HKDC1: variants seen among roughly 807,000 people sequenced by gnomAD.
HKDC1 encodes the protein hexokinase HKDC1.
HKDC1 carries 66 observed loss-of-function variants against 96.6 expected under a neutral mutation model. The observed-to-expected ratio is 0.68, with a 90% CI of 0.56 to 0.84. The LOEUF is 0.84. Ranked by LOEUF, HKDC1 falls within the 40% of genes least tolerant of loss-of-function variation. The pLI is 0.00. For missense variants in HKDC1, 1,211 were observed against 1,208.1 expected (o/e 1.00, Z -0.04); for synonymous variants, 466 against 473.1 (o/e 0.98, Z 0.20).
At chr10:69,264,654 A>G (rs1843863983) in intron 16 of HKDC1, among the ~76,000 whole-genome samples, 2 of 152,230 alleles carry the variant, frequency 1.3e-5, no homozygotes, top group African/African-American at 2.4e-5. Context: ...GGTGTAAGCC[A>G]CTGTGCTGGC....
At chr10:69,253,984 A>G (rs1219564060) in intron 12 of HKDC1, among the ~76,000 whole-genome samples, 1 of 152,204 alleles carries the variant, frequency 6.6e-6, no homozygotes, top group Non-Finnish European at 1.5e-5. Context: ...CAGGACAATA[A>G]TAAGGGTAGC....
Position 69,265,689 on chromosome 10 carries a change from C to T in HKDC1, c.2477C>T (p.Ser826Phe). ...IVVKEVCGAVSRRAAQLCGAG... is the reference protein window; with the variant it reads ...IVVKEVCGAVFRRAAQLCGAG... Reference sequence around the variant, plus strand: ...GTGAAGGAGGTGTGCGGAGCCGTGTCCCGGCGGGCGGCCCAGCTCTGCGGT... The same window carrying T: ...GTGAAGGAGGTGTGCGGAGCCGTGTTCCGGCGGGCGGCCCAGCTCTGCGGT... The change falls in exon 17 of 18, where the codon TCC becomes TTC. Residue 826 changes from serine (S) to phenylalanine (F), a missense_variant. Transcript: ENST00000354624. 6.2e-7 allele frequency: 1 copy of T among 1,613,538 alleles called. No homozygotes were observed. The highest frequency in any genetic ancestry group is 8.5e-7 in the Non-Finnish European group (1 of 1,179,850).
In HKDC1 at chr10:69,250,433, G is replaced by T; in HGVS notation, c.1714G>T (p.Glu572Ter). The change falls in exon 11 of 18, where the codon GAG (glutamate) becomes TAG (stop). Residue 572 changes from glutamate to a stop codon, truncating the protein, a stop_gained and splice_region_variant. Coordinates refer to ENST00000354624, the MANE Select transcript of HKDC1 (RefSeq NM_025130.4). LOFTEE classifies it high-confidence loss of function. ...PLEIMQGTGE[E>*]LFDHIVQCIA... ...GGAGATCATGCAGGGCACTGGTGAG[G>T]AGGTAAGTGCCAGGCAAGGCCTTTG... The T allele has an allele frequency of 6.2e-7, 1 of 1,613,052 alleles. No individual in the cohort carries two copies. The highest frequency in any genetic ancestry group is 8.5e-7 in the Non-Finnish European group (1 of 1,179,118).
chr10:69,261,517 A>G (rs1843810583), intron 16 of HKDC1: 2 of 468,474 alleles, frequency 4.3e-6, no homozygotes, highest in Non-Finnish European at 7.7e-6. Flanking sequence ...TGCTGTCCCC[A>G]TCCTCAGGCT....
chr10:69,240,747 CA>C lies in HKDC1; in HGVS notation c.688del (p.Ile230SerfsTer13). 6.2e-7 allele frequency: 1 copy of C among 1,612,882 alleles called. No homozygotes were observed. Among genetic ancestry groups the C allele is most frequent in the Non-Finnish European group, 8.5e-7 (1 of 1,178,860 alleles). The part of the protein sequence containing the change: ...DDPYCEVGVI[I>X]GTGTNACYME... ...ACCCCTACTGCGAAGTTGGTGTCAT[CA>C]TCGGTAACTCAATTGGACTGGTTTT... On this transcript the variant is annotated frameshift_variant, in exon 6 of 18. Coordinates refer to ENST00000354624, the MANE Select transcript of HKDC1 (RefSeq NM_025130.4). LOFTEE classifies it high-confidence loss of function.
At chr10:69,245,605 A>ATAT (rs1290381655) in intron 7 of HKDC1, among the ~76,000 whole-genome samples, 1 of 146,978 alleles carries the variant, frequency 6.8e-6, no homozygotes, top group Non-Finnish European at 1.5e-5. Context: ...AATAATAATA[A>ATAT]TAATGTTCAA....
At chr10:69,239,382 G>A (rs1028654315) in intron 5 of HKDC1, among the ~76,000 whole-genome samples, 4 of 152,140 alleles carry the variant, frequency 2.6e-5, no homozygotes, top group Non-Finnish European at 4.4e-5. Flanking sequence ...CTCATCCCTG[G>A]GCCTCCCCAG....
chr10:69,237,725 C>A (rs1181108965), intron 4 of HKDC1, among the ~76,000 whole-genome samples: 1 of 152,186 alleles, frequency 6.6e-6, no homozygotes, highest in Non-Finnish European at 1.5e-5. Context: ...GTTGTCATAG[C>A]CTATGAGAGC....
intron 4 of HKDC1, among the ~76,000 whole-genome samples, chr10:69,235,453 G>T (rs1843345922): frequency 6.6e-6 from 1 of 151,474 alleles, no homozygotes; most frequent in Admixed American, 6.6e-5. Context: ...ACAACAACAA[G>T]CAAACAAAAA....
At chr10:69,260,913 C>A (rs1241273930) in intron 15 of HKDC1, among the ~76,000 whole-genome samples, 1 of 152,118 alleles carries the variant, frequency 6.6e-6, no homozygotes, top group Non-Finnish European at 1.5e-5. Context: ...TGCTTAGTGC[C>A]CACTGTACCC....
intron 10 of HKDC1, among the ~76,000 whole-genome samples, 172 bp from the exon 11 acceptor site, chr10:69,250,118 A>T (rs1843614162): frequency 6.6e-6 from 1 of 152,172 alleles, no homozygotes; most frequent in Admixed American, 6.5e-5. Flanking sequence ...CGCAGGCTCA[A>T]GATGCCTGCC....
In HKDC1 at chr10:69,235,441, A is replaced by C. The variant is rs7091496; in HGVS notation, c.495+2308A>C. Among the ~76,000 whole-genome samples the C allele has an allele frequency of 6.4e-5, 8 of 124,134 alleles. No homozygotes were observed. The East Asian group carries it at 2.1e-3, about 32-fold the overall frequency. 81.4% of individuals were successfully genotyped at this position (124,134 alleles called of 152,430 possible). A position where few individuals can be genotyped will look rare whatever the true frequency, so the allele number is the denominator to read the frequency against. On this transcript the variant is annotated intron_variant, in intron 4 of 17. Coordinates refer to ENST00000354624, the MANE Select transcript of HKDC1 (RefSeq NM_025130.4). The stretch of plus-strand genomic sequence containing the variant: ...TGTCAGAAACAAACAAACAAACAAA[A>C]AACAACAACAAGCAAACAAAAAACA...
At chr10:69,229,020 T>C (rs1410631182) in intron 2 of HKDC1, among the ~76,000 whole-genome samples, 1 of 152,202 alleles carries the variant, frequency 6.6e-6, no homozygotes, top group Non-Finnish European at 1.5e-5. Context: ...TGCCATTTAC[T>C]GAGCAACCAC....
intron 12 of HKDC1, among the ~76,000 whole-genome samples, chr10:69,253,214 C>G (rs1234831158): frequency 6.6e-6 from 1 of 152,180 alleles, no homozygotes; most frequent in Non-Finnish European, 1.5e-5. Flanking sequence ...CTCCCCAGAG[C>G]TCCAGTGGGT....
rs754159524 is a variant in HKDC1, at chr10:69,258,832, G to C, written c.2089G>C (p.Gly697Arg). The C allele has an allele frequency of 3.1e-6, 5 of 1,614,090 alleles. No individual in the cohort carries two copies. The South Asian group carries it at 3.3e-5, about 11-fold the overall frequency. Residue 697 changes from glycine to arginine, a missense_variant, in exon 15 of 18, where the codon GGG becomes CGG. Coordinates refer to ENST00000354624, the MANE Select transcript of HKDC1 (RefSeq NM_025130.4). ...EDMRNIEMVE[G>R]GEGKMCINTE... ...CATGAGGAACATCGAGATGGTGGAG[G>C]GGGGTGAAGGGAAGATGTGCATCAA...
rs377063347 is a variant in HKDC1, at chr10:69,243,307, A to C, written c.817A>C (p.Ile273Leu). 1 of 1,613,206 alleles carries C rather than the reference A, an allele frequency of 6.2e-7. No individual in the cohort carries two copies. Among genetic ancestry groups the C allele is most frequent in the Non-Finnish European group, 8.5e-7 (1 of 1,179,598 alleles). ...CGGGGACGACGGGGCCCTGGAGGAC[A>C]TTCGCACTGAGTTCGACAGGGAGCT... ...AFGDDGALED[I>L]RTEFDRELDL... The change falls in exon 7 of 18, where the codon ATT becomes CTT. Residue 273 changes from isoleucine (I) to leucine (L), a missense_variant. Ile to Leu is a conservative substitution (Grantham distance 5, BLOSUM62 2). Transcript: ENST00000354624.
chr10:69,260,955 C>T (rs904517779), intron 15 of HKDC1, among the ~76,000 whole-genome samples, 184 bp from the exon 16 acceptor site: 7 of 152,126 alleles, frequency 4.6e-5, no homozygotes, highest in Non-Finnish European at 1.0e-4. Context: ...CTTGTAGGGG[C>T]GCTACTCTTC....
chr10:69,263,539 A>T (rs978229260), intron 16 of HKDC1, among the ~76,000 whole-genome samples: 1 of 152,164 alleles, frequency 6.6e-6, no homozygotes, highest in African/African-American at 2.4e-5. Flanking sequence ...TCTCCGGGGG[A>T]AGTGCCCTGA....
At chr10:69,260,959 A>G (rs1843796577) in intron 15 of HKDC1, among the ~76,000 whole-genome samples, 180 bp from the exon 16 acceptor site, 1 of 151,818 alleles carries the variant, frequency 6.6e-6, no homozygotes, top group East Asian at 1.9e-4. Flanking sequence ...TAGGGGCGCT[A>G]CTCTTCTCCC....
Sources: gnomAD v4.1 joint callset for allele counts (sites outside exome capture counted in the v4.1 genomes callset) on GRCh38, gnomAD v4.1.1 for gene constraint, MANE v1.5 for transcripts, NCBI Gene and HGNC (gene_info 2026-07-23, HGNC 2026-07-21) for gene names.